Variants in LDAF1 observed in about 807,000 individuals in gnomAD.
LDAF1 encodes PROMETHIN.
LDAF1 carries 7 observed loss-of-function variants against 13.5 expected under a neutral mutation model. The observed-to-expected ratio is 0.52, with a 90% CI of 0.29 to 0.97. LDAF1 has a LOEUF of 0.97. Ranked by LOEUF, LDAF1 falls within the 50% of genes least tolerant of loss-of-function variation. LDAF1 has a pLI of 0.07. For missense variants in LDAF1, 148 were observed against 193.2 expected (o/e 0.77, Z 1.39); for synonymous variants, 69 against 77.1 (o/e 0.89, Z 0.55).
chr16:21,172,027 T>C lies in LDAF1; in HGVS notation c.265+1422T>C, dbSNP rs376829236. On this transcript the variant is annotated intron_variant, in intron 3 of 4. Coordinates refer to ENST00000233047, the MANE Select transcript of LDAF1 (RefSeq NM_001301771.2). The stretch of plus-strand genomic sequence containing the variant: ...TGCTGGGATTACAGGTGTGAGCCAC[T>C]GCACCCAGCTCCAAGTGTGTATAAA... Among the ~76,000 whole-genome samples, 36 of 151,844 alleles carry C rather than the reference T, an allele frequency of 2.4e-4. 1 individual carries two copies. In the South Asian group the frequency reaches 3.8e-3, roughly 16 times the overall value.
intron 2 of LDAF1, among the ~76,000 whole-genome samples, chr16:21,163,379 C>G (rs2092994640): frequency 6.6e-6 from 1 of 152,170 alleles, no homozygotes. Flanking sequence ...GGCGTGGTAG[C>G]TCACACCTGT....
chr16:21,159,317 CT>C, intron 1 of LDAF1: 2 of 1,612,336 alleles, frequency 1.2e-6, no homozygotes, highest in Non-Finnish European at 1.7e-6. Flanking sequence ...CGCGGACCCC[CT>C]CTCCACCTGC....
At chr16:21,169,161 G>A (rs1243970874) in intron 2 of LDAF1, 1 of 984,310 alleles carries the variant, frequency 1.0e-6, no homozygotes, top group Non-Finnish European at 1.2e-6. Flanking sequence ...TTTTAATGCT[G>A]AGATTTTGCA....
In LDAF1 at chr16:21,161,092, CAG is replaced by C; in HGVS notation, c.-88_-87del. The C allele has an allele frequency of 1.3e-6, 2 of 1,555,086 alleles. No individual in the cohort carries two copies. The highest frequency in any genetic ancestry group is 1.7e-6 in the Non-Finnish European group (2 of 1,155,028). The stretch of plus-strand genomic sequence containing the variant: ...TGTTTCCTCTGGTAACAGCAAGAGA[CAG>C]AGCGACATGAGAGATTGGACCGCGG... On this transcript the variant is annotated 5_prime_UTR_variant, in exon 2 of 5. Coordinates refer to ENST00000233047, the MANE Select transcript of LDAF1 (RefSeq NM_001301771.2).
chr16:21,159,870 T>A (rs907177632), intron 1 of LDAF1: 2 of 942,706 alleles, frequency 2.1e-6, no homozygotes, highest in Non-Finnish European at 2.5e-6. Context: ...GCTGCAGAGA[T>A]GAGATTATGG....
chr16:21,179,437 G>A, intron 4 of LDAF1, 38 bp from the exon 5 acceptor site: 1 of 1,613,858 alleles, frequency 6.2e-7, no homozygotes, highest in Non-Finnish European at 8.5e-7. Flanking sequence ...TCTTTACTGA[G>A]GCCCTAGAGC....
chr16:21,174,244 C>T (rs752410074), intron 4 of LDAF1, 96 bp downstream of exon 4: 7 of 1,204,574 alleles, frequency 5.8e-6, no homozygotes, highest in Non-Finnish European at 8.0e-6. Context: ...GGCTGGAGTG[C>T]AGTGGCATGA....
intron 1 of LDAF1, chr16:21,159,268 C>G (rs1033978697): frequency 6.8e-7 from 1 of 1,460,036 alleles, no homozygotes. Context: ...CTCGACTCCC[C>G]TCTGAGTTCC....
intron 1 of LDAF1, chr16:21,160,034 G>T: frequency 1.1e-6 from 1 of 923,150 alleles, no homozygotes; most frequent in Non-Finnish European, 1.3e-6. Context: ...ATGTCTAGCT[G>T]GGATGATTAA....
intron 4 of LDAF1, among the ~76,000 whole-genome samples, chr16:21,176,167 A>C (rs546771871): frequency 2.4e-4 from 36 of 152,200 alleles, no homozygotes; most frequent in Non-Finnish European, 2.5e-4. Context: ...CTTAAAGATT[A>C]TACCACAGGA....
chr16:21,169,494 A>C (rs1268006657), intron 2 of LDAF1, among the ~76,000 whole-genome samples: 1 of 152,018 alleles, frequency 6.6e-6, no homozygotes, highest in East Asian at 1.9e-4. Flanking sequence ...TTTTTTGTAG[A>C]GATGGAATCT....
rs957847234 is a variant in LDAF1, at chr16:21,159,559, G to A, written c.-99+813G>A. The A allele has an allele frequency of 1.4e-5, 14 of 989,532 alleles. No homozygotes were observed. The South Asian group carries it at 1.9e-4, about 14-fold the overall frequency. 61.3% of individuals were successfully genotyped at this position (989,532 alleles called of 1,614,324 possible). A position where few individuals can be genotyped will look rare whatever the true frequency, so the allele number is the denominator to read the frequency against. ...TTATTTGGAGCCTTGGAAGGGGAAA[G>A]GGTTAGCTGGTGTTGGCCTGGCCCA... On this transcript the variant is annotated intron_variant, in intron 1 of 4. Transcript: ENST00000233047.
chr16:21,172,761 A>C, intron 3 of LDAF1: 1 of 834,946 alleles, frequency 1.2e-6, no homozygotes, highest in Non-Finnish European at 1.4e-6. Flanking sequence ...ATTCTGATGC[A>C]GGTGGTTGGC....
rs1555584378 is a variant in LDAF1, at chr16:21,167,696, G to GTTTTTTTTTGTTT, written c.97-2732_97-2731insGTTTTTTTTTTTT. Among the ~76,000 whole-genome samples the GTTTTTTTTTGTTT allele has an allele frequency of 1.9e-4, 17 of 89,102 alleles. 1 individual carries two copies. The highest frequency in any genetic ancestry group is 3.0e-4 in the Non-Finnish European group (15 of 50,190). 58.5% of individuals were successfully genotyped at this position (89,102 alleles called of 152,430 possible). A position where few individuals can be genotyped will look rare whatever the true frequency, so the allele number is the denominator to read the frequency against. On this transcript the variant is annotated intron_variant, in intron 2 of 4. Coordinates refer to ENST00000233047, the MANE Select transcript of LDAF1 (RefSeq NM_001301771.2). ...ATTCTGAGTCCAAGACCTTAGGTTT[G>GTTTTTTTTTGTTT]TTTTTTTTTTTTTGAAAAGGAGACT... is the stretch of plus-strand genomic sequence containing the variant.
At chr16:21,167,036 T>C in intron 2 of LDAF1, 1 of 855,470 alleles carries the variant, frequency 1.2e-6, no homozygotes. Context: ...TCCTGTGGCC[T>C]GGCAGGGAGT....
At chr16:21,168,860 T>TA (rs1249355407) in intron 2 of LDAF1, among the ~76,000 whole-genome samples, 1 of 134,574 alleles carries the variant, frequency 7.4e-6, no homozygotes, top group Non-Finnish European at 1.5e-5. Flanking sequence ...TTTTTATATT[T>TA]TATATTTATA....
intron 4 of LDAF1, among the ~76,000 whole-genome samples, chr16:21,177,619 CTT>C (rs1025169859): frequency 4.3e-5 from 5 of 115,858 alleles, no homozygotes; most frequent in Admixed American, 9.7e-5. Context: ...TTAGCGAATT[CTT>C]TTTTTTTTTT....
intron 1 of LDAF1, chr16:21,159,325 C>T: frequency 6.2e-6 from 10 of 1,613,814 alleles, no homozygotes; most frequent in Non-Finnish European, 5.1e-6. Flanking sequence ...CCCTCTCCAC[C>T]TGCATTTCAC....
At chr16:21,170,987 GGTT>G (rs1431883504) in intron 3 of LDAF1, among the ~76,000 whole-genome samples, 1 of 152,148 alleles carries the variant, frequency 6.6e-6, no homozygotes, top group Non-Finnish European at 1.5e-5. Flanking sequence ...AATCTCAAAA[GGTT>G]GTTGTGAAGA....
Sources: gnomAD v4.1 joint callset for allele counts (sites outside exome capture counted in the v4.1 genomes callset) on GRCh38, gnomAD v4.1.1 for gene constraint, MANE v1.5 for transcripts, NCBI Gene and HGNC (gene_info 2026-07-23, HGNC 2026-07-21) for gene names.